The following ARIH2 variants were observed in gnomAD, a reference collection of about 807,000 sequenced individuals.
ARIH2 encodes the protein E3 ubiquitin-protein ligase ARIH2.
ARIH2 carries 12 observed loss-of-function variants against 79.8 expected under a neutral mutation model. The observed-to-expected ratio is 0.15, with a 90% CI of 0.10 to 0.24. The LOEUF (loss-of-function observed/expected upper bound fraction) is 0.24, where lower values mean the gene tolerates loss of function less well. Ranked by LOEUF, ARIH2 falls within the 10% of genes least tolerant of loss-of-function variation. The pLI is 1.00. For synonymous variants in ARIH2, 224 were observed against 213.9 expected (o/e 1.05, Z -0.41); for missense variants, 301 against 618.3 (o/e 0.49, Z 5.44).
At chr3:48,929,275 T>C (rs2086054168) in intron 3 of ARIH2, among the ~76,000 whole-genome samples, 1 of 152,140 alleles carries the variant, frequency 6.6e-6, no homozygotes, top group Admixed American at 6.5e-5. Flanking sequence ...GCTGGCTTTT[T>C]CTGCCCTGCT....
Position 48,950,951 on chromosome 3 carries a change from C to CTT in ARIH2, c.256-10645_256-10644dup, listed in dbSNP as rs748827327. On this transcript the variant is annotated intron_variant, in intron 3 of 15. Coordinates refer to ENST00000356401, the MANE Select transcript of ARIH2 (RefSeq NM_006321.4). ...TTGACTTTGTATTTTCTTTCTTCTT[C>CTT]TTTTTTTTTTTTTTTTTAATTTTTA... Among the ~76,000 whole-genome samples, 25 of 129,228 alleles carry CTT rather than the reference C, an allele frequency of 1.9e-4. 1 individual carries two copies. In the South Asian group the frequency reaches 3.8e-3, roughly 20 times the overall value. 84.8% of individuals were successfully genotyped at this position (129,228 alleles called of 152,430 possible).
At chr3:48,961,753 G>A (rs900934777) in intron 4 of ARIH2, 74 bp downstream of exon 4, 1 of 1,027,914 alleles carries the variant, frequency 9.7e-7, no homozygotes, top group African/African-American at 1.6e-5. Context: ...TTTACATTTT[G>A]GACCATATTC....
chr3:48,926,298 G>A (rs1011868447), intron 2 of ARIH2, among the ~76,000 whole-genome samples: 2 of 150,764 alleles, frequency 1.3e-5, no homozygotes, highest in Admixed American at 6.6e-5. Context: ...ACGGAGTTTC[G>A]CTTTTATTGC....
rs567810291 is a variant in ARIH2, at chr3:48,968,368, C to T, written c.539-166C>T. The stretch of plus-strand genomic sequence containing the variant: ...GACTACAGGCGCCCGCCACTACGCC[C>T]GGCTAATTTTTTGTGTTTTTAGTAG... On this transcript the variant is annotated intron_variant, in intron 6 of 15. Transcript: ENST00000356401. 1.2e-3 allele frequency: 572 copies of T among 493,826 alleles called. 4 individuals carry two copies. The highest frequency in any genetic ancestry group is 9.4e-3 in the African/African-American group (474 of 50,640). 30.6% of individuals were successfully genotyped at this position (493,826 alleles called of 1,614,324 possible). A position where few individuals can be genotyped will look rare whatever the true frequency, so the allele number is the denominator to read the frequency against.
intron 3 of ARIH2, among the ~76,000 whole-genome samples, chr3:48,941,783 G>A (rs1285684124): frequency 3.7e-4 from 56 of 150,604 alleles, no homozygotes; most frequent in African/African-American, 1.3e-3. Flanking sequence ...TAGTAGAGAC[G>A]GGGTTAGCCA....
At chr3:48,961,243 C>T (rs1209135118) in intron 3 of ARIH2, among the ~76,000 whole-genome samples, 2 of 152,126 alleles carry the variant, frequency 1.3e-5, no homozygotes, top group African/African-American at 2.4e-5. Context: ...GTGCTTCCGG[C>T]GTACAACCTC....
Position 48,927,786 on chromosome 3 carries a change from C to A in ARIH2, c.228C>A (p.His76Gln). ...AATCTGAGGGTGCCCTCAATGAGCA[C>A]ATGACCAGCTTAGCTTCTGTCCTAA... ...YKESEGALNE[H>Q]MTSLASVLKV... is the part of the protein sequence containing the mutation. The change falls in exon 3 of 16, where the codon CAC (histidine) becomes CAA (glutamine). Residue 76 changes from histidine (H) to glutamine (Q), a missense_variant. By Grantham distance (24) the His-to-Gln change is conservative (BLOSUM62 0). This residue lies in a region of ARIH2 where 223 missense variants were observed against 349.4 expected (regional missense o/e 0.64). Transcript: ENST00000356401. 1 of 1,614,166 alleles carries A rather than the reference C, an allele frequency of 6.2e-7. No homozygotes were observed. The highest frequency in any genetic ancestry group is 1.1e-5 in the South Asian group (1 of 91,082).
At chr3:48,975,599 C>T (rs1361074781) in intron 11 of ARIH2, among the ~76,000 whole-genome samples, 1 of 151,628 alleles carries the variant, frequency 6.6e-6, no homozygotes, top group Non-Finnish European at 1.5e-5. Context: ...GAGTCTCACT[C>T]TGTCACCCAG....
At chr3:48,919,690 G>A (rs1299522833) in intron 1 of ARIH2, among the ~76,000 whole-genome samples, 1 of 152,218 alleles carries the variant, frequency 6.6e-6, no homozygotes, top group Non-Finnish European at 1.5e-5. Flanking sequence ...TACTTTTTAA[G>A]TGTAATTAAA....
intron 3 of ARIH2, among the ~76,000 whole-genome samples, chr3:48,951,338 A>T (rs141081651): frequency 6.6e-6 from 1 of 151,062 alleles, no homozygotes; most frequent in Admixed American, 6.6e-5. Flanking sequence ...GTGGAGTTTC[A>T]CTCTTGTCCA....
Position 48,920,987 on chromosome 3 carries a change from C to T in ARIH2, c.-161-1761C>T, listed in dbSNP as rs370884522. On this transcript the variant is annotated intron_variant, in intron 1 of 15. Transcript: ENST00000356401. ...TTTATTTATTTTTATTTTTGAGTCC[C>T]GCTCTGTCTCTCAGGCTGGAGTGCA... 2.7e-4 allele frequency among the ~76,000 whole-genome samples: 20 copies of T among 74,038 alleles called. 10 individuals carry two copies. The East Asian group carries it at 0.04, about 147-fold the overall frequency. 48.6% of individuals were successfully genotyped at this position (74,038 alleles called of 152,430 possible).
chr3:48,968,490 T>C, intron 6 of ARIH2, 44 bp from the exon 7 acceptor site: 1 of 1,585,146 alleles, frequency 6.3e-7, no homozygotes, highest in Non-Finnish European at 8.6e-7. Flanking sequence ...ATTACAGGCA[T>C]GAGCTATCGC....
intron 3 of ARIH2, among the ~76,000 whole-genome samples, chr3:48,946,673 G>A (rs1199104126): frequency 6.6e-6 from 1 of 152,044 alleles, no homozygotes; most frequent in African/African-American, 2.4e-5. Flanking sequence ...GCAATGTGTA[G>A]GGTAAATGAG....
At chr3:48,948,252 C>T (rs1445329179) in intron 3 of ARIH2, among the ~76,000 whole-genome samples, 1 of 151,926 alleles carries the variant, frequency 6.6e-6, no homozygotes, top group African/African-American at 2.4e-5. Flanking sequence ...TGAGCCACTG[C>T]GCCCGGCCTC....
intron 2 of ARIH2, among the ~76,000 whole-genome samples, chr3:48,923,649 G>A (rs917813853): frequency 2.6e-5 from 4 of 151,728 alleles, no homozygotes; most frequent in African/African-American, 7.3e-5. Flanking sequence ...AACCTCCTGA[G>A]TAGCTGGGAT....
chr3:48,930,034 T>G (rs2086160917), intron 3 of ARIH2, among the ~76,000 whole-genome samples: 1 of 152,060 alleles, frequency 6.6e-6, no homozygotes, highest in Admixed American at 6.6e-5. Context: ...CACAAAAATT[T>G]AGATGTTGAG....
intron 11 of ARIH2, among the ~76,000 whole-genome samples, chr3:48,979,044 A>G (rs1049219055): frequency 7.2e-5 from 11 of 152,322 alleles, no homozygotes; most frequent in Non-Finnish European, 1.5e-4. Flanking sequence ...TTAGTTTCAT[A>G]TACAAAAATC....
chr3:48,919,125 C>T, intron 1 of ARIH2, 127 bp downstream of exon 1: 5 of 1,292,040 alleles, frequency 3.9e-6, no homozygotes, highest in Non-Finnish European at 4.9e-6. Flanking sequence ...GGGCGCTCCC[C>T]GTCGCCGGCA....
At chr3:48,938,046 CAA>C (rs5848862) in intron 3 of ARIH2, among the ~76,000 whole-genome samples, 4 of 105,864 alleles carry the variant, frequency 3.8e-5, no homozygotes, top group Non-Finnish European at 5.6e-5. Context: ...GACTCCGTCT[CAA>C]AAAAAAAAAA....
Sources: allele counts gnomAD v4.1 joint callset (sites outside exome capture counted in the v4.1 genomes callset), GRCh38; gene constraint gnomAD v4.1.1; regional missense constraint gnomAD v4.1.1; transcripts MANE v1.5; gene names NCBI Gene and HGNC (gene_info 2026-07-23, HGNC 2026-07-21).